Variants in TEKT4 observed in about 807,000 individuals in gnomAD.
TEKT4 encodes the protein tektin 4.
A neutral mutation model predicts 46.0 loss-of-function variants in TEKT4; 46 were observed. The observed-to-expected ratio is 1.00, with a 90% confidence interval of 0.79 to 1.28. TEKT4 has a LOEUF of 1.28. Ranked by LOEUF, TEKT4 falls within the 50% of genes most tolerant of loss-of-function variation. The pLI is 0.00. For synonymous variants in TEKT4, 325 were observed against 265.8 expected, an observed-to-expected ratio of 1.22 and a Z score of -2.17; for missense variants, 790 against 622.9, an observed-to-expected ratio of 1.27 and a Z score of -2.85.
chr2:94,871,661 G>C lies in TEKT4; in HGVS notation c.82G>C (p.Gly28Arg). ...TAACACGGGCGCCTACACGTCCTCCGGCCTGGCCACCGCCAGCTTCCGCAC... is the reference window on the plus strand; with the variant it reads ...TAACACGGGCGCCTACACGTCCTCCCGCCTGGCCACCGCCAGCTTCCGCAC... ...ARNTGAYTSS[G>R]LATASFRTSK... The change falls in exon 1 of 6, where the codon GGC (glycine) becomes CGC (arginine). Residue 28 changes from glycine to arginine, a missense_variant. Physicochemically the swap from Gly to Arg is moderately radical, Grantham distance 125. Transcript: ENST00000295201. 6.2e-7 allele frequency: 1 copy of C among 1,612,548 alleles called. No individual in the cohort carries two copies. Among genetic ancestry groups the C allele is most frequent in the Non-Finnish European group, 8.5e-7 (1 of 1,179,916 alleles).
chr2:94,873,198 G>A (rs1680656897), intron 1 of TEKT4: 2 of 1,256,186 alleles, frequency 1.6e-6, no homozygotes, highest in East Asian at 4.5e-5. Flanking sequence ...AGAGGCCAAG[G>A]GCAGGCCAAC....
In TEKT4 at chr2:94,876,572, G is replaced by T. The variant is rs782406964; in HGVS notation, c.1111G>T (p.Glu371Ter). Residue 371 changes from glutamate (E) to a stop codon, truncating the protein, a stop_gained, in exon 6 of 6, where the codon GAG becomes TAG. Coordinates refer to ENST00000295201, the MANE Select transcript of TEKT4 (RefSeq NM_144705.4). LOFTEE classifies it high-confidence loss of function. ...CCCCAGGCTGTTGAGTGAGGTGGAGGAGCTGAACATGTCCCTCACAGCACT... is the reference window on the plus strand; with the variant it reads ...CCCCAGGCTGTTGAGTGAGGTGGAGTAGCTGAACATGTCCCTCACAGCACT... ...AQFRLLSEVE[E>*]LNMSLTALRE... The T allele has an allele frequency of 6.2e-7, 1 of 1,609,362 alleles. No homozygotes were observed. The highest frequency in any genetic ancestry group is 1.3e-5 in the African/African-American group (1 of 74,976).
At chr2:94,873,481 AG>A (rs782099591) in intron 1 of TEKT4, 38 bp from the exon 2 acceptor site, 5 of 1,611,702 alleles carry the variant, frequency 3.1e-6, no homozygotes, top group Non-Finnish European at 4.2e-6. Context: ...GATCCTCACC[AG>A]GGACTGGCTC....
chr2:94,875,791 T>C (rs1553396360), intron 5 of TEKT4, 49 bp downstream of exon 5: 4 of 1,565,196 alleles, frequency 2.6e-6, no homozygotes, highest in Admixed American at 3.4e-5. Flanking sequence ...GTCCACCTCC[T>C]CCCTGTGACT....
intron 1 of TEKT4, chr2:94,872,356 A>G: frequency 1.8e-6 from 1 of 546,030 alleles, no homozygotes; most frequent in East Asian, 3.2e-5. Flanking sequence ...GGGCTAAGCC[A>G]CAAGGCACCT....
At chr2:94,872,196 C>A in intron 1 of TEKT4, 119 bp downstream of exon 1, 1 of 1,314,442 alleles carries the variant, frequency 7.6e-7, no homozygotes, top group Non-Finnish European at 1.0e-6. Context: ...CAGCCCTCTG[C>A]ACGTGAGACC....
chr2:94,872,149 G>A (rs1553394841), intron 1 of TEKT4, 72 bp downstream of exon 1: 2 of 1,466,044 alleles, frequency 1.4e-6, no homozygotes, highest in Admixed American at 4.5e-5. Flanking sequence ...CAGTTCATGT[G>A]GACAAGCCAC....
At chr2:94,874,470 G>C (rs560630530) in intron 3 of TEKT4, among the ~76,000 whole-genome samples, 3 of 151,854 alleles carry the variant, frequency 2.0e-5, no homozygotes, top group African/African-American at 7.3e-5. Flanking sequence ...GGGGGGCTGC[G>C]GGGGCCGGAG....
intron 5 of TEKT4, among the ~76,000 whole-genome samples, chr2:94,876,329 G>A (rs1309708605): frequency 1.3e-5 from 2 of 152,130 alleles, no homozygotes; most frequent in Admixed American, 6.5e-5. Flanking sequence ...TGCCAGGGTC[G>A]AGATTGCACA....
At chr2:94,872,997 G>T (rs553317953) in intron 1 of TEKT4, 21 of 1,289,342 alleles carry the variant, frequency 1.6e-5, no homozygotes, top group Middle Eastern at 4.2e-4. Context: ...CAGTGGTTGA[G>T]GCAAAGACCC....
At chr2:94,875,143 T>C in intron 4 of TEKT4, 145 bp downstream of exon 4, 1 of 901,888 alleles carries the variant, frequency 1.1e-6, no homozygotes, top group South Asian at 1.8e-5. Context: ...CAGGTGACAC[T>C]GGGTATGATC....
intron 1 of TEKT4, 44 bp downstream of exon 1, chr2:94,872,121 G>A (rs1325251475): frequency 8.1e-6 from 12 of 1,475,184 alleles, no homozygotes; most frequent in South Asian, 4.0e-5. Context: ...GCGCAGAGAG[G>A]AGGAGCCCCC....
chr2:94,874,205 G>A, intron 3 of TEKT4, 97 bp downstream of exon 3: 2 of 1,412,340 alleles, frequency 1.4e-6, no homozygotes, highest in East Asian at 2.4e-5. Flanking sequence ...GCCTGGCCCG[G>A]AGGCCCTCGC....
Position 94,876,753 on chromosome 2 carries a change from T to C in TEKT4, c.1292T>C (p.Leu431Pro). 1 of 1,607,694 alleles carries C rather than the reference T, an allele frequency of 6.2e-7. No individual in the cohort carries two copies. The highest frequency in any genetic ancestry group is 8.5e-7 in the Non-Finnish European group (1 of 1,179,890). The change falls in exon 6 of 6, where the codon CTG becomes CCG. Residue 431 changes from leucine to proline, a missense_variant. Coordinates refer to ENST00000295201, the MANE Select transcript of TEKT4 (RefSeq NM_144705.4). ...ACTCGCTACCCCACCATCCTGCAGC[T>C]GGCTGGCTACCAGTGAGCAGCGGCA... ...HRTRYPTILQLAGYQ is the reference protein window; with the variant it reads ...HRTRYPTILQPAGYQ
At position 94,874,813 on chromosome 2, in the gene TEKT4, G is replaced by A. The variant is rs782124057; in HGVS notation, c.751G>A (p.Asp251Asn). ...TPETRAKFTQ[D>N]NLCRAQRERL... ...GGAGACCCGGGCCAAGTTCACGCAG[G>A]ACAATCTGTGCCGTGCCCAGCGCGA... Residue 251 changes from aspartate to asparagine, a missense_variant, in exon 4 of 6, where the codon GAC becomes AAC. By Grantham distance (23) the Asp-to-Asn change is conservative. Coordinates refer to ENST00000295201, the MANE Select transcript of TEKT4 (RefSeq NM_144705.4). 1.4e-5 allele frequency: 22 copies of A among 1,601,128 alleles called. No individual in the cohort carries two copies. The highest frequency in any genetic ancestry group is 3.6e-4 in the Middle Eastern group (2 of 5,552).
intron 4 of TEKT4, 104 bp downstream of exon 4, chr2:94,875,102 AGT>A: frequency 8.2e-7 from 1 of 1,224,472 alleles, no homozygotes; most frequent in East Asian, 2.6e-5. Context: ...CCCAGAAGCA[AGT>A]GTCTCCTCTC....
intron 4 of TEKT4, among the ~76,000 whole-genome samples, chr2:94,875,274 G>A (rs1423092019): frequency 5.9e-5 from 9 of 152,176 alleles, no homozygotes; most frequent in Non-Finnish European, 1.2e-4. Context: ...TGGCAGGCAG[G>A]GCTCTGAATC....
intron 5 of TEKT4, 82 bp downstream of exon 5, chr2:94,875,824 C>T: frequency 1.0e-5 from 14 of 1,405,498 alleles, no homozygotes; most frequent in Non-Finnish European, 1.4e-5. Context: ...CACTCCAACA[C>T]CCCGCACACA....
At chr2:94,874,484 C>T (rs1429689863) in intron 3 of TEKT4, among the ~76,000 whole-genome samples, 1 of 146,904 alleles carries the variant, frequency 6.8e-6, no homozygotes, top group Non-Finnish European at 1.5e-5. Context: ...GCCGGAGGTG[C>T]TGCAGAGGGG....
Sources: allele counts gnomAD v4.1 joint callset (sites outside exome capture counted in the v4.1 genomes callset), GRCh38; gene constraint gnomAD v4.1.1; transcripts MANE v1.5; gene names NCBI Gene and HGNC (gene_info 2026-07-23, HGNC 2026-07-21).